APBB2: variants seen among roughly 807,000 people sequenced by gnomAD.
The protein encoded by APBB2 is amyloid beta precursor protein binding family B member 2.
APBB2 carries 38 observed loss-of-function variants against 82.5 expected under a neutral mutation model. The observed-to-expected ratio is 0.46, with a 90% CI of 0.36 to 0.60. The LOEUF (loss-of-function observed/expected upper bound fraction) is 0.60. Among genes scored for constraint, APBB2 ranks in the 20% least tolerant of loss-of-function variants. The pLI is 0.00. For synonymous variants in APBB2, 341 were observed against 368.2 expected (o/e 0.93, Z 0.85); for missense variants, 772 against 972.3 (o/e 0.79, Z 2.74).
At chr4:41,089,208 C>G (rs979970909) in intron 3 of APBB2, among the ~76,000 whole-genome samples, 1 of 152,144 alleles carries the variant, frequency 6.6e-6, no homozygotes, top group Non-Finnish European at 1.5e-5. Context: ...AAACTGCTCA[C>G]TAACTATAGG....
chr4:41,048,297 G>A (rs1365171690), intron 4 of APBB2, among the ~76,000 whole-genome samples: 2 of 152,142 alleles, frequency 1.3e-5, no homozygotes, highest in African/African-American at 4.8e-5. Context: ...TAAGTATAAT[G>A]CAAACACTGC....
At chr4:41,058,441 G>A (rs1336010776) in intron 4 of APBB2, among the ~76,000 whole-genome samples, 1 of 152,208 alleles carries the variant, frequency 6.6e-6, no homozygotes, top group African/African-American at 2.4e-5. Flanking sequence ...TACTAGGTAT[G>A]TGAAAACAAG....
intron 1 of APBB2, among the ~76,000 whole-genome samples, chr4:41,169,520 C>T (rs1267481561): frequency 6.6e-6 from 1 of 152,220 alleles, no homozygotes; most frequent in Non-Finnish European, 1.5e-5. Flanking sequence ...AATGAATTAT[C>T]CTCAAGCAAA....
chr4:41,071,946 G>A (rs1304606921), intron 3 of APBB2, among the ~76,000 whole-genome samples: 2 of 152,124 alleles, frequency 1.3e-5, no homozygotes, highest in Non-Finnish European at 2.9e-5. Context: ...TAACTCCAAG[G>A]AAAAGGAGTG....
intron 1 of APBB2, among the ~76,000 whole-genome samples, chr4:41,151,574 C>G (rs1485100999): frequency 6.6e-6 from 1 of 152,172 alleles, no homozygotes; most frequent in Non-Finnish European, 1.5e-5. Flanking sequence ...GTGGTAAAAT[C>G]AGGTTTAGGT....
intron 1 of APBB2, among the ~76,000 whole-genome samples, chr4:41,144,851 G>C (rs947252339): frequency 9.2e-5 from 14 of 152,234 alleles, no homozygotes; most frequent in African/African-American, 3.1e-4. Flanking sequence ...GGGCATGGTG[G>C]CTTATGGCCT....
intron 3 of APBB2, among the ~76,000 whole-genome samples, chr4:41,092,096 G>A (rs1741911724): frequency 6.6e-6 from 1 of 152,190 alleles, no homozygotes; most frequent in African/African-American, 2.4e-5. Flanking sequence ...TGCCAAAGCT[G>A]ATCTTCATTC....
intron 12 of APBB2, chr4:40,880,949 A>T: frequency 1.0e-6 from 1 of 984,604 alleles, no homozygotes; most frequent in Non-Finnish European, 1.2e-6. Context: ...GACCGCCATG[A>T]ACGATCTGTC....
chr4:41,054,938 T>C (rs1727328748), intron 4 of APBB2, among the ~76,000 whole-genome samples: 1 of 152,150 alleles, frequency 6.6e-6, no homozygotes, highest in Admixed American at 6.5e-5. Context: ...GCACCCTAGA[T>C]GCCCTGCACC....
chr4:40,984,352 T>C (rs1482088160), intron 6 of APBB2, among the ~76,000 whole-genome samples: 3 of 152,060 alleles, frequency 2.0e-5, no homozygotes, highest in Non-Finnish European at 4.4e-5. Flanking sequence ...GTCTTCCTTC[T>C]ACCTTTCAGG....
chr4:40,983,184 T>C (rs1799567969), intron 6 of APBB2, among the ~76,000 whole-genome samples: 3 of 152,212 alleles, frequency 2.0e-5, no homozygotes, highest in Admixed American at 2.0e-4. Context: ...GGAGGCAAAG[T>C]GACTTGCCTC....
At chr4:40,930,311 A>G (rs1783746161) in intron 10 of APBB2, among the ~76,000 whole-genome samples, 1 of 152,206 alleles carries the variant, frequency 6.6e-6, no homozygotes, top group Non-Finnish European at 1.5e-5. Flanking sequence ...TCAGAATTAT[A>G]TACAAACACA....
chr4:40,877,962 G>A (rs182272204), intron 12 of APBB2, among the ~76,000 whole-genome samples: 20 of 152,268 alleles, frequency 1.3e-4, no homozygotes, highest in Admixed American at 5.2e-4. Context: ...CAGGGTGCTT[G>A]GTGCAGAGAA....
At chr4:40,864,980 T>G (rs1763710174) in intron 12 of APBB2, among the ~76,000 whole-genome samples, 2 of 150,978 alleles carry the variant, frequency 1.3e-5, no homozygotes, top group South Asian at 4.3e-4. Context: ...CATCTCAGCC[T>G]CCCGAGTAGC....
At chr4:40,828,279 T>A (rs531911220) in intron 13 of APBB2, among the ~76,000 whole-genome samples, 1 of 152,230 alleles carries the variant, frequency 6.6e-6, no homozygotes, top group Non-Finnish European at 1.5e-5. Flanking sequence ...AAGCACTTTA[T>A]ACTCCTGTTC....
At chr4:41,074,435 AACAGATGCCCCAGC>A (rs1734894894) in intron 3 of APBB2, among the ~76,000 whole-genome samples, 1 of 152,012 alleles carries the variant, frequency 6.6e-6, no homozygotes, top group African/African-American at 2.4e-5. Flanking sequence ...TTTAGCACAA[AACAGATGCCCCAGC>A]ACTCTTTATC....
At chr4:40,846,524 T>C (rs1757709545) in intron 12 of APBB2, among the ~76,000 whole-genome samples, 1 of 152,074 alleles carries the variant, frequency 6.6e-6, no homozygotes. Flanking sequence ...TTCTGGCTGA[T>C]ATTTAGAGAA....
chr4:41,023,622 C>G (rs932165703), intron 5 of APBB2, among the ~76,000 whole-genome samples: 3 of 152,022 alleles, frequency 2.0e-5, no homozygotes, highest in African/African-American at 7.2e-5. Context: ...ATACAGCTAA[C>G]CAGGGAAGTG....
chr4:41,022,112 A>G (rs1166383233), intron 5 of APBB2, among the ~76,000 whole-genome samples: 1 of 152,228 alleles, frequency 6.6e-6, no homozygotes, highest in Non-Finnish European at 1.5e-5. Flanking sequence ...AGAACCCACC[A>G]GAAGGAATAA....
Sources: allele counts gnomAD v4.1 joint callset (sites outside exome capture counted in the v4.1 genomes callset), GRCh38; gene constraint gnomAD v4.1.1; transcripts MANE v1.5; gene names NCBI Gene and HGNC (gene_info 2026-07-23, HGNC 2026-07-21).